Variants in ASB4 observed in about 807,000 individuals in gnomAD.
The protein encoded by ASB4 is ankyrin repeat and SOCS box protein 4.
In ASB4, 35 loss-of-function variants were observed where a neutral mutation model predicts 38.6. That is an observed-to-expected ratio of 0.91 (90% CI 0.69 to 1.20). The LOEUF (loss-of-function observed/expected upper bound fraction) is 1.20. Among genes scored for constraint, ASB4 ranks in the 50% most tolerant of loss-of-function variants. The probability of loss-of-function intolerance (pLI) is 0.00; values close to 1 mark genes in which losing one functional copy is unlikely to be tolerated. For missense variants in ASB4, 557 were observed against 527.2 expected, an observed-to-expected ratio of 1.06 and a Z score of -0.55; for synonymous variants, 195 against 201.3, an observed-to-expected ratio of 0.97 and a Z score of 0.26.
chr7:95,518,376 T>C (rs1262352579), intron 2 of ASB4, among the ~76,000 whole-genome samples: 1 of 152,202 alleles, frequency 6.6e-6, no homozygotes, highest in Non-Finnish European at 1.5e-5. Context: ...AAGCCTCAGG[T>C]AGAGATGGCG....
intron 1 of ASB4, among the ~76,000 whole-genome samples, chr7:95,490,383 C>T (rs1480431179): frequency 6.6e-6 from 1 of 152,160 alleles, no homozygotes; most frequent in Non-Finnish European, 1.5e-5. Context: ...ACACTTCAAA[C>T]TTGCTTTTAT....
rs753855421 is a variant in ASB4, at chr7:95,537,745, G to A, written c.1267G>A (p.Gly423Arg). The change falls in exon 5 of 5, where the codon GGA becomes AGA. Residue 423 changes from glycine (G) to arginine (R), a missense_variant. Transcript: ENST00000325885. ...AAAGTACTTGCTTTTAGAGCCAGAGGGAATTATTTATTAAGCCTTATGAGA... is the reference window on the plus strand; with the variant it reads ...AAAGTACTTGCTTTTAGAGCCAGAGAGAATTATTTATTAAGCCTTATGAGA... ...LKKYLLLEPEGIIY is the reference protein window; with the variant it reads ...LKKYLLLEPERIIY The A allele has an allele frequency of 3.7e-6, 6 of 1,613,382 alleles. No individual in the cohort carries two copies. Among genetic ancestry groups the A allele is most frequent in the Admixed American group, 1.7e-5 (1 of 59,950 alleles).
chr7:95,475,861 G>A (rs1789972095), upstream of ASB4, among the ~76,000 whole-genome samples: 1 of 152,168 alleles, frequency 6.6e-6, no homozygotes, highest in Non-Finnish European at 1.5e-5. Context: ...AGCTGGCAAG[G>A]TTGTGAAGAA....
chr7:95,480,131 A>C (rs2116566132), intron 1 of ASB4, among the ~76,000 whole-genome samples: 1 of 152,290 alleles, frequency 6.6e-6, no homozygotes, highest in South Asian at 2.1e-4. Context: ...CCACAGGAGC[A>C]CACCTTGTTC....
Position 95,495,736 on chromosome 7 carries a change from TCC to T in ASB4, c.188-21_188-20del, listed in dbSNP as rs773582169. The T allele has an allele frequency of 2.7e-6, 4 of 1,481,988 alleles. No individual in the cohort carries two copies. The East Asian group carries it at 9.8e-5, about 36-fold the overall frequency. The allele number at this position is 1,481,988 out of a possible 1,614,324, so 91.8% of individuals were successfully genotyped here. On this transcript the variant is annotated intron_variant, in intron 1 of 4. Transcript: ENST00000325885. ...AGGTCAAGAAGTTAAACTTTCCTTT[TCC>T]TTTTTTTTTTTTTTTTCAGGTTACT... is the stretch of plus-strand genomic sequence containing the variant.
At chr7:95,474,700 A>AT (rs1789959348), upstream of ASB4, among the ~76,000 whole-genome samples, 2 of 151,898 alleles carry the variant, frequency 1.3e-5, no homozygotes, top group South Asian at 4.2e-4. Flanking sequence ...TTAAAAAAAA[A>AT]TTTTTTTTAG....
In ASB4 at chr7:95,516,340, G is replaced by GT. The variant is rs200445929; in HGVS notation, c.488-11467dup. Among the ~76,000 whole-genome samples, 1,203 of 152,172 alleles carry GT rather than the reference G, an allele frequency of 7.9e-3. 18 individuals carry two copies. Among genetic ancestry groups the GT allele is most frequent in the African/African-American group, 0.028 (1,153 of 41,510 alleles). ...TTACTTTGCAAAATTTTAATCAATG[G>GT]TTTTTTGGAATTAAAAAGATAAAAA... On this transcript the variant is annotated intron_variant, in intron 2 of 4. Coordinates refer to ENST00000325885, the MANE Select transcript of ASB4 (RefSeq NM_016116.3).
chr7:95,544,022 G>A (rs1368293455), downstream of ASB4: 1 of 151,766 alleles, frequency 6.6e-6, no homozygotes. Flanking sequence ...ATACAATTCT[G>A]ATCCTTTAGA....
chr7:95,477,084 G>C (rs1789984090), upstream of ASB4, among the ~76,000 whole-genome samples: 1 of 151,858 alleles, frequency 6.6e-6, no homozygotes, highest in South Asian at 2.1e-4. Flanking sequence ...CCTGGATCAC[G>C]TTTTATCCGC....
intron 2 of ASB4, among the ~76,000 whole-genome samples, chr7:95,527,603 G>A (rs1043667068): frequency 4.6e-5 from 7 of 152,140 alleles, no homozygotes; most frequent in African/African-American, 1.2e-4. Context: ...TACCTTTGCT[G>A]GTTGTCCAGG....
chr7:95,527,786 A>C, intron 2 of ASB4, 27 bp from the exon 3 acceptor site: 1 of 1,564,330 alleles, frequency 6.4e-7, no homozygotes, highest in Non-Finnish European at 8.7e-7. Flanking sequence ...TGTTTAAATA[A>C]TTGTCTTCCT....
At chr7:95,549,314 T>TTTTTTTTTTTTTTGG in the ASB4 span, among the ~76,000 whole-genome samples, 1 of 147,592 alleles carries the variant, frequency 6.8e-6, no homozygotes, top group African/African-American at 2.5e-5. Context: ...TTTTTTTTTT[T>TTTTTTTTTTTTTTGG]GAGATGGAGT....
At chr7:95,525,038 G>A (rs771807797) in intron 2 of ASB4, among the ~76,000 whole-genome samples, 8 of 152,190 alleles carry the variant, frequency 5.3e-5, no homozygotes, top group African/African-American at 9.7e-5. Flanking sequence ...ACCTGGTCAT[G>A]TGACAAGAAC....
chr7:95,504,804 G>T (rs1244319962), intron 2 of ASB4, among the ~76,000 whole-genome samples: 1 of 152,092 alleles, frequency 6.6e-6, no homozygotes, highest in African/African-American at 2.4e-5. Context: ...ACTCTAAAAG[G>T]CCGTGTCTTC....
upstream of ASB4, among the ~76,000 whole-genome samples, chr7:95,477,554 C>T (rs1789988463): frequency 6.6e-6 from 1 of 152,104 alleles, no homozygotes; most frequent in Non-Finnish European, 1.5e-5. Context: ...AGATGCAAAA[C>T]TATAGAAAAC....
intron 2 of ASB4, among the ~76,000 whole-genome samples, chr7:95,526,475 A>C (rs1790738650): frequency 6.6e-6 from 1 of 152,068 alleles, no homozygotes; most frequent in Non-Finnish European, 1.5e-5. Context: ...TTCTCTAATA[A>C]ATCTGCCTTT....
chr7:95,520,103 G>T (rs974183369), intron 2 of ASB4, among the ~76,000 whole-genome samples: 1 of 152,162 alleles, frequency 6.6e-6, no homozygotes, highest in African/African-American at 2.4e-5. Flanking sequence ...AAATTTCAGT[G>T]CTGGGGCATT....
upstream of ASB4, among the ~76,000 whole-genome samples, chr7:95,475,357 G>C (rs190461059): frequency 6.6e-4 from 100 of 152,230 alleles, 1 homozygote; most frequent in African/African-American, 2.2e-3. Context: ...GCAGTGGTCA[G>C]TGACTCCCCA....
chr7:95,499,356 C>T (rs1790297650), intron 2 of ASB4, among the ~76,000 whole-genome samples: 1 of 152,002 alleles, frequency 6.6e-6, no homozygotes, highest in South Asian at 2.1e-4. Context: ...GAGGAGAAAC[C>T]AGTAAAGGAG....
Sources: gnomAD v4.1 joint callset for allele counts (sites outside exome capture counted in the v4.1 genomes callset) on GRCh38, gnomAD v4.1.1 for gene constraint, MANE v1.5 for transcripts, NCBI Gene and HGNC (gene_info 2026-07-23, HGNC 2026-07-21) for gene names.